The following FMNL3 variants were observed in gnomAD, a reference collection of about 807,000 sequenced individuals.
The protein encoded by FMNL3 is formin-like protein 3.
Under a neutral mutation model 119.6 loss-of-function variants are expected in FMNL3, and 57 were observed. The observed-to-expected ratio is 0.48, with a 90% CI of 0.39 to 0.59. The LOEUF is 0.59. FMNL3 is among the 20% of genes least tolerant of loss of function. The probability of loss-of-function intolerance (pLI) is 0.00; values close to 1 mark genes in which losing one functional copy is unlikely to be tolerated. For missense variants in FMNL3, 1,053 were observed against 1,323.5 expected, an observed-to-expected ratio of 0.80 and a Z score of 3.17; for synonymous variants, 491 against 507.3, an observed-to-expected ratio of 0.97 and a Z score of 0.43.
At chr12:49,703,443 T>G (rs1423846007) in intron 1 of FMNL3, among the ~76,000 whole-genome samples, 1 of 152,134 alleles carries the variant, frequency 6.6e-6, no homozygotes, top group African/African-American at 2.4e-5. Flanking sequence ...GAATGGGAAG[T>G]GCTACTCAGA....
chr12:49,646,491 C>T, intron 25 of FMNL3: 1 of 641,020 alleles, frequency 1.6e-6, no homozygotes, highest in Non-Finnish European at 2.7e-6. Context: ...CTTCTCAGAG[C>T]ATGGGGCATG....
At chr12:49,690,713 ACAATCCACT>A (rs1201049318) in intron 1 of FMNL3, among the ~76,000 whole-genome samples, 3 of 152,234 alleles carry the variant, frequency 2.0e-5, no homozygotes, top group African/African-American at 7.2e-5. Context: ...ATATTCTGCC[ACAATCCACT>A]CAATCCACTC....
chr12:49,668,918 T>C (rs548565185), intron 1 of FMNL3, among the ~76,000 whole-genome samples: 1 of 152,346 alleles, frequency 6.6e-6, no homozygotes, highest in East Asian at 1.9e-4. Context: ...GTCATATACA[T>C]ACATCATACC....
intron 1 of FMNL3, among the ~76,000 whole-genome samples, chr12:49,684,535 T>C (rs1188252897): frequency 6.6e-6 from 1 of 152,236 alleles, no homozygotes; most frequent in Non-Finnish European, 1.5e-5. Flanking sequence ...GGTTATCCTC[T>C]AGCTTCTGAG....
At chr12:49,653,383 C>T (rs1943468947) in intron 12 of FMNL3, 56 bp from the exon 13 acceptor site, 1 of 1,565,312 alleles carries the variant, frequency 6.4e-7, no homozygotes, top group Non-Finnish European at 8.8e-7. Context: ...GCACTCAGCA[C>T]AGCCTGAACC....
In FMNL3 at chr12:49,643,466, G is replaced by A; in HGVS notation, c.*2349C>T. The A allele has an allele frequency of 1.3e-6, 2 of 1,505,946 alleles. No homozygotes were observed. Among genetic ancestry groups the A allele is most frequent in the South Asian group, 2.7e-5 (2 of 74,750 alleles). 93.3% of individuals were successfully genotyped at this position (1,505,946 alleles called of 1,614,324 possible). On this transcript the variant is annotated 3_prime_UTR_variant, in exon 26 of 26. Transcript: ENST00000335154. ...CAGACTGAGAGGATGCCCTCCACAA[G>A]CCCCAGCTCCTTTGAGGGTAGACTG... is the stretch of plus-strand genomic sequence containing the variant.
At chr12:49,687,255 G>A (rs376273137) in intron 1 of FMNL3, among the ~76,000 whole-genome samples, 37 of 151,844 alleles carry the variant, frequency 2.4e-4, no homozygotes, top group Middle Eastern at 3.4e-3. Context: ...CACCACGCCC[G>A]GCTAATTTTT....
chr12:49,662,927 C>A (rs1305761740), intron 4 of FMNL3, among the ~76,000 whole-genome samples: 1 of 152,216 alleles, frequency 6.6e-6, no homozygotes, highest in Non-Finnish European at 1.5e-5. Flanking sequence ...GAGTGCTCTA[C>A]TCCTTCAGAA....
Position 49,649,593 on chromosome 12 carries a change from G to A in FMNL3, c.2236-55C>T, listed in dbSNP as rs1445298286. Reference sequence around the variant, plus strand: ...CCCAGGCTGAGATGGGGTAAAGACAGGGAGGGGTCAGAAGGACTGGAAGGG... The same window carrying A: ...CCCAGGCTGAGATGGGGTAAAGACAAGGAGGGGTCAGAAGGACTGGAAGGG... On this transcript the variant is annotated intron_variant, in intron 18 of 25. Coordinates refer to ENST00000335154, the MANE Select transcript of FMNL3 (RefSeq NM_175736.5). The surrounding 1 kb of genome is among the most constrained non-coding windows in gnomAD (Gnocchi z 5.6). The A allele has an allele frequency of 1.9e-6, 3 of 1,612,822 alleles. No homozygotes were observed. The African/African-American group carries it at 4.0e-5, about 21-fold the overall frequency.
In FMNL3 at chr12:49,707,281, C is replaced by A; in HGVS notation, c.-101G>T. On this transcript the variant is annotated 5_prime_UTR_variant, in exon 1 of 26. Transcript: ENST00000335154. ...GGCTCCTCCCTCAGCGCCGGCTCCC[C>A]GAGTCCCGACTCCTCGGCCCCGTCG... 3 of 1,161,506 alleles carry A rather than the reference C, an allele frequency of 2.6e-6. No individual in the cohort carries two copies. The highest frequency in any genetic ancestry group is 3.6e-5 in the South Asian group (2 of 56,014). 71.9% of individuals were successfully genotyped at this position (1,161,506 alleles called of 1,614,324 possible).
chr12:49,663,857 T>C (rs1943809390), intron 4 of FMNL3, among the ~76,000 whole-genome samples: 1 of 152,198 alleles, frequency 6.6e-6, no homozygotes. Context: ...CAAGGCTAGG[T>C]ACTAGTGGCT....
intron 7 of FMNL3, 75 bp from the exon 8 acceptor site, chr12:49,656,974 G>T: frequency 1.3e-6 from 2 of 1,528,024 alleles, no homozygotes; most frequent in Non-Finnish European, 1.8e-6. Flanking sequence ...CTTGACCGTA[G>T]GCCCACCAGC....
chr12:49,636,582 C>G lies in FMNL3; in HGVS notation c.*9233G>C. ...GCAGTGGCTGCTCCCACAGAGCCCC[C>G]TCCAGGCCCTTCCCCCACCACCCTG... On this transcript the variant is annotated 3_prime_UTR_variant, in exon 26 of 26. Coordinates refer to ENST00000335154, the MANE Select transcript of FMNL3 (RefSeq NM_175736.5). 1.6e-6 allele frequency: 2 copies of G among 1,224,100 alleles called. No individual in the cohort carries two copies. The highest frequency in any genetic ancestry group is 2.3e-6 in the Non-Finnish European group (2 of 863,090). The allele number at this position is 1,224,100 out of a possible 1,614,324, so 75.8% of individuals were successfully genotyped here.
Position 49,707,117 on chromosome 12 carries a change from G to A in FMNL3, c.64C>T (p.Pro22Ser), listed in dbSNP as rs746251835. The A allele has an allele frequency of 3.7e-6, 6 of 1,605,082 alleles. No individual in the cohort carries two copies. The South Asian group carries it at 4.5e-5, about 12-fold the overall frequency. ...GEPPSVPLLL[P>S]PGKMPMPEPC... The stretch of plus-strand genomic sequence containing the variant: ...TCAGGCATCGGCATCTTGCCGGGCG[G>A]CAGCAACAACGGGACAGAGGGGGGC... Residue 22 changes from proline to serine, a missense_variant, in exon 1 of 26, where the codon CCG becomes TCG. Coordinates refer to ENST00000335154, the MANE Select transcript of FMNL3 (RefSeq NM_175736.5).
At chr12:49,705,847 T>C (rs1351045900) in intron 1 of FMNL3, among the ~76,000 whole-genome samples, 1 of 152,220 alleles carries the variant, frequency 6.6e-6, no homozygotes, top group African/African-American at 2.4e-5. Context: ...GCCAGTGGGC[T>C]GATGTCAGAT....
rs764586285 is a variant in FMNL3 at position 49,638,142 on chromosome 12, C to A, written c.*7673G>T. On this transcript the variant is annotated 3_prime_UTR_variant, in exon 26 of 26. Transcript: ENST00000335154. ...TAGGTGGAAGAGGTTGGAGTGTACA[C>A]GGGGTACTAAGAGCAAAGGCAAGGG... 1 of 298,306 alleles carries A rather than the reference C, an allele frequency of 3.4e-6. No homozygotes were observed. Among genetic ancestry groups the A allele is most frequent in the Non-Finnish European group, 6.4e-6 (1 of 157,448 alleles). The allele number at this position is 298,306 out of a possible 1,614,324, so 18.5% of individuals were successfully genotyped here. A position where few individuals can be genotyped will look rare whatever the true frequency, so the allele number is the denominator to read the frequency against.
At chr12:49,663,880 C>A (rs186578849) in intron 4 of FMNL3, among the ~76,000 whole-genome samples, 2 of 152,334 alleles carry the variant, frequency 1.3e-5, no homozygotes. Flanking sequence ...ACTTTGGGAT[C>A]CTCAAGGAGG....
Position 49,653,309 on chromosome 12 carries a change from C to A in FMNL3, c.1240G>T (p.Asp414Tyr). Residue 414 changes from aspartate to tyrosine, a missense_variant, in exon 13 of 26, where the codon GAC (aspartate) becomes TAC (tyrosine). By Grantham distance (160) the Asp-to-Tyr change is radical (BLOSUM62 -3). Around this residue, in one of 4 missense-constraint regions of FMNL3, gnomAD observed 445 missense variants for 628.4 expected, o/e 0.71. Coordinates refer to ENST00000335154, the MANE Select transcript of FMNL3 (RefSeq NM_175736.5). ...CGCATCATGTTTTCATTCTCTAGGT[C>A]CAGAAGCTTCTCTGTGAGCTGCACA... ...HVSHLTEKLL[D>Y]LENENMMRVA... The A allele has an allele frequency of 1.2e-6, 2 of 1,614,068 alleles. No individual in the cohort carries two copies. Among genetic ancestry groups the A allele is most frequent in the Non-Finnish European group, 1.7e-6 (2 of 1,180,014 alleles).
chr12:49,656,325 G>C, intron 9 of FMNL3, 79 bp downstream of exon 9: 1 of 1,110,658 alleles, frequency 9.0e-7, no homozygotes. Context: ...CAGATCACAG[G>C]AAATGGTGCT....
Sources: gnomAD v4.1 joint callset for allele counts (sites outside exome capture counted in the v4.1 genomes callset) on GRCh38, gnomAD v4.1.1 for gene constraint, gnomAD v4.1.1 regional missense constraint, Gnocchi (gnomAD v3.1) non-coding constraint, MANE v1.5 for transcripts, NCBI Gene and HGNC (gene_info 2026-07-23, HGNC 2026-07-21) for gene names.